Variants in SLC66A1 observed in about 807,000 individuals in gnomAD.
The protein encoded by SLC66A1 is solute carrier family 66 member 1.
A neutral mutation model predicts 33.0 loss-of-function variants in SLC66A1; 23 were observed. The observed-to-expected ratio is 0.70, with a 90% CI of 0.50 to 0.99. The LOEUF is 0.99. SLC66A1 is among the 50% of genes least tolerant of loss of function. SLC66A1 has a pLI of 0.00. For synonymous variants in SLC66A1, 164 were observed against 175.5 expected (o/e 0.93, Z 0.52); for missense variants, 335 against 383.6 (o/e 0.87, Z 1.06).
downstream of SLC66A1, among the ~76,000 whole-genome samples, chr1:19,330,741 G>A (rs1387100665): frequency 4.6e-5 from 7 of 152,308 alleles, no homozygotes; most frequent in African/African-American, 1.7e-4. Context: ...ACAAGGTCCT[G>A]GGGCACACCC....
Position 19,325,579 on chromosome 1 carries a change from CTGTG to C in SLC66A1, c.382_382+3del. On this transcript the variant is annotated splice_donor_variant and coding_sequence_variant, in exon 4 of 8. Coordinates refer to ENST00000375153, the MANE Select transcript of SLC66A1 (RefSeq NM_001040125.2). LOFTEE classifies it high-confidence loss of function. Reference sequence around the variant, plus strand: ...CTACAAGTTCAGGACGCGCCCCTCTCTGTGTGAGTATGGGGACCGCTCTCTGTCA... The same window carrying C: ...CTACAAGTTCAGGACGCGCCCCTCTCTGAGTATGGGGACCGCTCTCTGTCA... 6.5e-7 allele frequency: 1 copy of C among 1,546,124 alleles called. No homozygotes were observed. Among genetic ancestry groups the C allele is most frequent in the Non-Finnish European group, 8.8e-7 (1 of 1,133,842 alleles).
chr1:19,317,287 G>A (rs1009301547), intron 1 of SLC66A1, among the ~76,000 whole-genome samples: 2 of 152,144 alleles, frequency 1.3e-5, no homozygotes, highest in African/African-American at 4.8e-5. Flanking sequence ...CAGATGAGAG[G>A]GCTCAGGCAC....
chr1:19,325,037 G>A (rs940433878), intron 3 of SLC66A1, among the ~76,000 whole-genome samples: 2 of 152,214 alleles, frequency 1.3e-5, no homozygotes, highest in African/African-American at 4.8e-5. Context: ...GAGTGCTGGC[G>A]AAGCTTTCAG....
chr1:19,325,217 T>A (rs555106603), intron 3 of SLC66A1, among the ~76,000 whole-genome samples: 8 of 152,332 alleles, frequency 5.3e-5, no homozygotes, highest in African/African-American at 1.7e-4. Flanking sequence ...AGCCATCACT[T>A]CACCGCGGAG....
At chr1:19,313,762 T>G (rs1410976998) in intron 1 of SLC66A1, among the ~76,000 whole-genome samples, 2 of 152,198 alleles carry the variant, frequency 1.3e-5, no homozygotes, top group Non-Finnish European at 2.9e-5. Context: ...AGGCCTAGCC[T>G]CAGGTAATTT....
At chr1:19,323,383 T>C (rs2093847306) in intron 2 of SLC66A1, among the ~76,000 whole-genome samples, 1 of 151,856 alleles carries the variant, frequency 6.6e-6, no homozygotes, top group Admixed American at 6.6e-5. Flanking sequence ...TGAGCTGCCA[T>C]TTAGTTAGTT....
At chr1:19,320,700 C>A (rs1001619349) in intron 2 of SLC66A1, among the ~76,000 whole-genome samples, 2 of 150,408 alleles carry the variant, frequency 1.3e-5, no homozygotes, top group Non-Finnish European at 2.9e-5. Context: ...CAGGCGTGAG[C>A]CACCGCACCT....
chr1:19,318,876 T>C (rs1018429), intron 2 of SLC66A1, among the ~76,000 whole-genome samples: 2,135 of 151,614 alleles, frequency 0.014, 44 homozygotes, highest in African/African-American at 0.042. Flanking sequence ...TAGGACAGCA[T>C]TGGGGGTGAG....
Position 19,317,811 on chromosome 1 carries a change from C to G in SLC66A1, c.134C>G (p.Ser45Cys). ...DEASVGLGLISILCFAASTFP... is the reference protein window; with the variant it reads ...DEASVGLGLICILCFAASTFP... Reference sequence around the variant, plus strand: ...GCCAGCGTGGGCCTGGGCTTGATCTCCATTCTCTGCTTTGCTGCATCTACC... The same window carrying G: ...GCCAGCGTGGGCCTGGGCTTGATCTGCATTCTCTGCTTTGCTGCATCTACC... The change falls in exon 2 of 8, where the codon TCC becomes TGC. Residue 45 changes from serine (S) to cysteine (C), a missense_variant. Ser to Cys is a moderately radical substitution (Grantham distance 112). Coordinates refer to ENST00000375153, the MANE Select transcript of SLC66A1 (RefSeq NM_001040125.2). 1 of 1,614,116 alleles carries G rather than the reference C, an allele frequency of 6.2e-7. No homozygotes were observed. The highest frequency in any genetic ancestry group is 8.5e-7 in the Non-Finnish European group (1 of 1,180,004).
chr1:19,321,465 A>G lies in SLC66A1; in HGVS notation c.165-3168A>G, dbSNP rs145090839. ...AAGTGTTGGGGTTCAAGCATGAGCC[A>G]TTGTGCCCAGCATCTCTTGTTCTAA... On this transcript the variant is annotated intron_variant, in intron 2 of 7. Coordinates refer to ENST00000375153, the MANE Select transcript of SLC66A1 (RefSeq NM_001040125.2). Among the ~76,000 whole-genome samples, 91 of 149,598 alleles carry G rather than the reference A, an allele frequency of 6.1e-4. 1 individual carries two copies. Among genetic ancestry groups the G allele is most frequent in the Non-Finnish European group, 1.1e-3 (72 of 67,964 alleles).
chr1:19,314,186 T>C (rs889406610), intron 1 of SLC66A1, among the ~76,000 whole-genome samples: 1 of 152,210 alleles, frequency 6.6e-6, no homozygotes, highest in African/African-American at 2.4e-5. Flanking sequence ...CAGGCCTTTC[T>C]GTTCAGGGAT....
At chr1:19,331,318 A>G (rs1176234654), downstream of SLC66A1, among the ~76,000 whole-genome samples, 4 of 152,056 alleles carry the variant, frequency 2.6e-5, no homozygotes, top group Non-Finnish European at 4.4e-5. Flanking sequence ...CCAAGATGGG[A>G]GTATTTTTAT....
intron 1 of SLC66A1, among the ~76,000 whole-genome samples, chr1:19,317,255 A>G (rs1325672055): frequency 1.3e-5 from 2 of 152,232 alleles, no homozygotes; most frequent in Non-Finnish European, 2.9e-5. Context: ...TGTGGGAGGC[A>G]GCACTGTGAT....
chr1:19,327,322 C>T lies in SLC66A1; in HGVS notation c.714C>T (p.Asn238=), dbSNP rs747813208. 1.1e-5 allele frequency: 17 copies of T among 1,613,306 alleles called. No individual in the cohort carries two copies. The highest frequency in any genetic ancestry group is 1.4e-5 in the Non-Finnish European group (16 of 1,179,714). The change falls in exon 7 of 8, where the codon AAC becomes AAT. Residue 238 remains asparagine (N), a synonymous_variant. Coordinates refer to ENST00000375153, the MANE Select transcript of SLC66A1 (RefSeq NM_001040125.2). ...TLYGLSVLLK[N]PEEGQSEGSY... Reference sequence around the variant, plus strand: ...ATGGGCTGAGCGTGCTGCTCAAAAACCCCGAGGAGGGCCAGAGCGAGGGCA... The same window carrying T: ...ATGGGCTGAGCGTGCTGCTCAAAAATCCCGAGGAGGGCCAGAGCGAGGGCA...
At chr1:19,320,445 GCT>G (rs1448966702) in intron 2 of SLC66A1, among the ~76,000 whole-genome samples, 1 of 117,796 alleles carries the variant, frequency 8.5e-6, no homozygotes, top group African/African-American at 3.3e-5. Context: ...TGACAGTCTC[GCT>G]CTGTCGCCCA....
chr1:19,330,555 G>C (rs537666587), downstream of SLC66A1, among the ~76,000 whole-genome samples: 1 of 152,182 alleles, frequency 6.6e-6, no homozygotes, highest in Non-Finnish European at 1.5e-5. Context: ...GCCCCAGGAG[G>C]GTCAATCAGG....
At chr1:19,317,531 A>G (rs1161471174) in intron 1 of SLC66A1, 69 bp from the exon 2 acceptor site, 4 of 1,444,026 alleles carry the variant, frequency 2.8e-6, no homozygotes, top group African/African-American at 2.9e-5. Context: ...GGATGAGCTT[A>G]GTTTGGGATG....
intron 1 of SLC66A1, among the ~76,000 whole-genome samples, chr1:19,315,913 T>A (rs1269327815): frequency 6.6e-6 from 1 of 152,162 alleles, no homozygotes; most frequent in African/African-American, 2.4e-5. Flanking sequence ...TGGCTCAGGC[T>A]CCTTGTGGAT....
chr1:19,319,605 G>GTTTTTTTTTTTTTTTTTTTTTTGTTT (rs569177720), intron 2 of SLC66A1, among the ~76,000 whole-genome samples: 4 of 111,858 alleles, frequency 3.6e-5, no homozygotes, highest in African/African-American at 1.2e-4. Context: ...GCACATTCAT[G>GTTTTTTTTTTTTTTTTTTTTTTGTTT]TTTTTTTTTT....
Sources: gnomAD v4.1 joint callset for allele counts (sites outside exome capture counted in the v4.1 genomes callset) on GRCh38, gnomAD v4.1.1 for gene constraint, MANE v1.5 for transcripts, NCBI Gene and HGNC (gene_info 2026-07-23, HGNC 2026-07-21) for gene names.